The following TRAPPC14 variants were observed in gnomAD, a reference collection of about 807,000 sequenced individuals.
TRAPPC14 encodes the protein trafficking protein particle complex subunit 14.
Under a neutral mutation model 56.6 loss-of-function variants are expected in TRAPPC14, and 24 were observed. The ratio of observed to expected loss-of-function variants is 0.42; its 90% confidence interval spans 0.31 to 0.60. The LOEUF (loss-of-function observed/expected upper bound fraction) is 0.60, where lower values mean the gene tolerates loss of function less well. Ranked by LOEUF, TRAPPC14 falls within the 20% of genes least tolerant of loss-of-function variation. The probability of loss-of-function intolerance (pLI) is 0.14; values close to 1 mark genes in which losing one functional copy is unlikely to be tolerated. For missense variants in TRAPPC14, 615 were observed against 790.3 expected, an observed-to-expected ratio of 0.78 and a Z score of 2.66; for synonymous variants, 377 against 347.0, an observed-to-expected ratio of 1.09 and a Z score of -0.96.
chr7:100,157,042 C>T (rs766891729), intron 5 of TRAPPC14, 50 bp from the exon 6 acceptor site: 13 of 1,613,918 alleles, frequency 8.1e-6, no homozygotes, highest in Non-Finnish European at 1.0e-5. Flanking sequence ...CAGAGCTCAG[C>T]CCCTGAAGCC....
chr7:100,155,908 C>T (rs772594109), intron 8 of TRAPPC14, 83 bp from the exon 9 acceptor site: 3 of 1,542,518 alleles, frequency 1.9e-6, no homozygotes, highest in Admixed American at 1.7e-5. Flanking sequence ...TCATCTGATT[C>T]TCAAAGCCAC....
Position 100,157,674 on chromosome 7 carries a change from C to G in TRAPPC14, c.596G>C (p.Gly199Ala). Residue 199 changes from glycine to alanine, a missense_variant, in exon 3 of 11, where the codon GGG becomes GCG. Transcript: ENST00000316937. Reference sequence around the variant, plus strand: ...GCTCTGCTCGCCCCGGAATGTCTCCCCAGGAGATCGGGTCTGCAGCAATCG... The same window carrying G: ...GCTCTGCTCGCCCCGGAATGTCTCCGCAGGAGATCGGGTCTGCAGCAATCG... ...YLRLLQTRSP[G>A]ETFRGEQSAF... 1 of 1,614,258 alleles carries G rather than the reference C, an allele frequency of 6.2e-7. No individual in the cohort carries two copies. Among genetic ancestry groups the G allele is most frequent in the Non-Finnish European group, 8.5e-7 (1 of 1,180,038 alleles).
rs1355654101 is a variant in TRAPPC14, at chr7:100,154,781, G to GCC, written c.*228_*229dup. The GCC allele has an allele frequency of 5.2e-6, 3 of 578,466 alleles. No homozygotes were observed. The highest frequency in any genetic ancestry group is 6.2e-6 in the Non-Finnish European group (2 of 324,772). The allele number at this position is 578,466 out of a possible 1,614,324, so 35.8% of individuals were successfully genotyped here. A position where few individuals can be genotyped will look rare whatever the true frequency, so the allele number is the denominator to read the frequency against. ...TTGCCCTGGCCTAGGGGTGGGGCCA[G>GCC]CCCCCCCCACAGGAACTCGGGGAAT... On this transcript the variant is annotated 3_prime_UTR_variant, in exon 11 of 11. Coordinates refer to ENST00000316937, the MANE Select transcript of TRAPPC14 (RefSeq NM_018275.5).
rs754886003 is a variant in TRAPPC14, at chr7:100,157,962, A to G, written c.412-24T>C. 20 of 1,521,868 alleles carry G rather than the reference A, an allele frequency of 1.3e-5. No individual in the cohort carries two copies. The Admixed American group carries it at 4.3e-4, about 33-fold the overall frequency. The allele number at this position is 1,521,868 out of a possible 1,614,324, so 94.3% of individuals were successfully genotyped here. A position where few individuals can be genotyped will look rare whatever the true frequency, so the allele number is the denominator to read the frequency against. ...AGCTGGGGTTGGGAAAGGGGTGAAG[A>G]GGTCAGGAGCAAGTCAGAGGCAGCC... On this transcript the variant is annotated intron_variant, in intron 1 of 10. Coordinates refer to ENST00000316937, the MANE Select transcript of TRAPPC14 (RefSeq NM_018275.5).
At position 100,155,393 on chromosome 7, in the gene TRAPPC14, C is replaced by G; in HGVS notation, c.1458G>C (p.Glu486Asp). Residue 486 changes from glutamate (E) to aspartate (D), a missense_variant, in exon 10 of 11, where the codon GAG becomes GAC. Transcript: ENST00000316937. ...FTASVSHPPP[E>D]ARPLSRKSSP... ...TGCTCTTGCGGGAGAGGGGCCGGGC[C>G]TCGGGTGGAGGGTGGGACACGCTGG... 1 of 1,547,772 alleles carries G rather than the reference C, an allele frequency of 6.5e-7. No homozygotes were observed. The highest frequency in any genetic ancestry group is 8.7e-7 in the Non-Finnish European group (1 of 1,145,586).
At chr7:100,155,990 T>C (rs933046546) in intron 8 of TRAPPC14, 165 bp from the exon 9 acceptor site, 1 of 903,258 alleles carries the variant, frequency 1.1e-6, no homozygotes, top group Admixed American at 1.7e-5. Flanking sequence ...ACGTACTGTG[T>C]GCAAGGCACG....
rs1407822590 is a variant in TRAPPC14 at position 100,157,724 on chromosome 7, T to C, written c.546A>G (p.Pro182=). The part of the protein sequence containing the change: ...VTVWKREIEA[P]EVRDQGYLRL... Reference sequence around the variant, plus strand: ...GCAGGTAGCCTTGATCTCTGACCTCTGGTGCCTCAATCTCCCGCTTCCACA... The same window carrying C: ...GCAGGTAGCCTTGATCTCTGACCTCCGGTGCCTCAATCTCCCGCTTCCACA... The change falls in exon 3 of 11, where the codon CCA becomes CCG. Residue 182 remains proline (P), a synonymous_variant. Transcript: ENST00000316937. 6.2e-7 allele frequency: 1 copy of C among 1,614,222 alleles called. No individual in the cohort carries two copies. Among genetic ancestry groups the C allele is most frequent in the Non-Finnish European group, 8.5e-7 (1 of 1,180,042 alleles).
intron 1 of TRAPPC14, 60 bp downstream of exon 1, chr7:100,158,029 G>T (rs1798920671): frequency 5.0e-6 from 7 of 1,398,816 alleles, no homozygotes; most frequent in Non-Finnish European, 6.7e-6. Context: ...TCTGCCTCCT[G>T]CCTCAGGCCC....
Position 100,158,614 on chromosome 7 carries a change from C to T in TRAPPC14, c.-115G>A. On this transcript the variant is annotated 5_prime_UTR_variant, in exon 1 of 11. Coordinates refer to ENST00000316937, the MANE Select transcript of TRAPPC14 (RefSeq NM_018275.5). ...CTCCGGCTGCTGCGCCCGGCTGGGG[C>T]GGCCGGAGAGACCGGCCCGGTCCCG... is the stretch of plus-strand genomic sequence containing the variant. 1 of 1,112,326 alleles carries T rather than the reference C, an allele frequency of 9.0e-7. No individual in the cohort carries two copies. The highest frequency in any genetic ancestry group is 1.1e-6 in the Non-Finnish European group (1 of 874,986). The allele number at this position is 1,112,326 out of a possible 1,614,324, so 68.9% of individuals were successfully genotyped here. A position where few individuals can be genotyped will look rare whatever the true frequency, so the allele number is the denominator to read the frequency against.
Position 100,157,890 on chromosome 7 carries a change from G to T in TRAPPC14, c.460C>A (p.Leu154Ile), listed in dbSNP as rs1472796728. 1.3e-6 allele frequency: 2 copies of T among 1,564,670 alleles called. No individual in the cohort carries two copies. Among genetic ancestry groups the T allele is most frequent in the African/African-American group, 1.4e-5 (1 of 74,036 alleles). The change falls in exon 2 of 11, where the codon CTC (leucine) becomes ATC (isoleucine). Residue 154 changes from leucine (L) to isoleucine (I), a missense_variant. Transcript: ENST00000316937. Reference protein sequence around the residue: ...IVSTDEVIFPLTVSLDRLPPG... With the variant: ...IVSTDEVIFPITVSLDRLPPG... ...GGCAGTCTATCCAGTGAAACGGTGA[G>T]TGGGAAGATGACCTCATCTGTGGAC...
In TRAPPC14 at chr7:100,156,619, AG is replaced by A. The variant is rs1358912337; in HGVS notation, c.1076+14del. 5 of 1,611,022 alleles carry A rather than the reference AG, an allele frequency of 3.1e-6. No individual in the cohort carries two copies. Among genetic ancestry groups the A allele is most frequent in the Admixed American group, 1.7e-5 (1 of 59,810 alleles). ...CAAAGGCGAACGCCACGATTCCTCC[AG>A]GATCCACACTCACCGGTAGTGGGTG... On this transcript the variant is annotated intron_variant, in intron 7 of 10. Transcript: ENST00000316937.
chr7:100,155,829 G>A lies in TRAPPC14; in HGVS notation c.1241-4C>T. The A allele has an allele frequency of 1.9e-6, 3 of 1,614,198 alleles. No homozygotes were observed. The highest frequency in any genetic ancestry group is 2.2e-5 in the South Asian group (2 of 91,086). ...TCCTCCTCACACAGCTGCTTTCCTG[G>A]GGGCAGAAACAGGGACCAGCAAACA... On this transcript the variant is annotated splice_polypyrimidine_tract_variant and splice_region_variant and intron_variant, in intron 8 of 10. Transcript: ENST00000316937.
chr7:100,157,090 T>A lies in TRAPPC14; in HGVS notation c.845+4A>T, dbSNP rs1368628877. 1.9e-6 allele frequency: 3 copies of A among 1,613,990 alleles called. No individual in the cohort carries two copies. The African/African-American group carries it at 4.0e-5, about 22-fold the overall frequency. Reference sequence around the variant, plus strand: ...TCACAGCCTCGCCCCTCCCAGGACCTCACCAGACATTGTCCACCAGCAGCA... The same window carrying A: ...TCACAGCCTCGCCCCTCCCAGGACCACACCAGACATTGTCCACCAGCAGCA... On this transcript the variant is annotated splice_donor_region_variant and intron_variant, in intron 5 of 10. Transcript: ENST00000316937.
At chr7:100,155,207 C>T (rs1411329632) in intron 10 of TRAPPC14, 43 bp from the exon 11 acceptor site, 8 of 1,605,724 alleles carry the variant, frequency 5.0e-6, no homozygotes, top group African/African-American at 4.0e-5. Context: ...AGACCCGGCA[C>T]CCTCGCTGCT....
chr7:100,158,069 G>A lies in TRAPPC14; in HGVS notation c.411+20C>T. On this transcript the variant is annotated intron_variant, in intron 1 of 10. Transcript: ENST00000316937. ...CAAACCGCCCCTCCGTCCTGTGCCA[G>A]GTCCCCCAAAGCTCCTCACCGTGGT... The A allele has an allele frequency of 2.1e-6, 3 of 1,441,378 alleles. No homozygotes were observed. The highest frequency in any genetic ancestry group is 2.8e-6 in the Non-Finnish European group (3 of 1,089,302). The allele number at this position is 1,441,378 out of a possible 1,614,324, so 89.3% of individuals were successfully genotyped here. A position where few individuals can be genotyped will look rare whatever the true frequency, so the allele number is the denominator to read the frequency against.
intron 8 of TRAPPC14, 29 bp downstream of exon 8, chr7:100,156,357 A>T (rs1287913168): frequency 1.9e-6 from 3 of 1,609,646 alleles, no homozygotes; most frequent in Non-Finnish European, 2.5e-6. Context: ...CTCCCTGGGG[A>T]CCAAATTCCT....
intron 9 of TRAPPC14, 64 bp from the exon 10 acceptor site, chr7:100,155,519 G>C: frequency 1.3e-6 from 2 of 1,512,156 alleles, no homozygotes; most frequent in Non-Finnish European, 1.8e-6. Context: ...CTTCCAAATG[G>C]TCTTCCCCAT....
At position 100,156,657 on chromosome 7, in the gene TRAPPC14, A is replaced by G; in HGVS notation, c.1053T>C (p.Thr351=). Residue 351 remains threonine (T), a synonymous_variant, in exon 7 of 11, where the codon ACT becomes ACC. Coordinates refer to ENST00000316937, the MANE Select transcript of TRAPPC14 (RefSeq NM_018275.5). ...VQWSTPKLPF[T]QSIYTHYRLP... ...ACCGGTAGTGGGTGTAGATGCTCTG[A>G]GTGAAGGGCAGCTTTGGGGTAGACC... 6.2e-7 allele frequency: 1 copy of G among 1,606,602 alleles called. No individual in the cohort carries two copies.
At chr7:100,155,185 T>C in intron 10 of TRAPPC14, 21 bp from the exon 11 acceptor site, 1 of 1,609,176 alleles carries the variant, frequency 6.2e-7, no homozygotes, top group Non-Finnish European at 8.5e-7. Flanking sequence ...GCAGAGGCTG[T>C]GGGCGCTGGT....
Sources: allele counts gnomAD v4.1 joint callset, GRCh38; gene constraint gnomAD v4.1.1; transcripts MANE v1.5; gene names NCBI Gene and HGNC (gene_info 2026-07-23, HGNC 2026-07-21).